Variants in AGBL1 observed in about 807,000 individuals in gnomAD.
AGBL1 encodes cytosolic carboxypeptidase 4.
AGBL1 carries 130 observed loss-of-function variants against 118.9 expected under a neutral mutation model. The ratio of observed to expected loss-of-function variants is 1.09; its 90% confidence interval spans 0.95 to 1.26. The LOEUF is 1.26. AGBL1 is among the 50% of genes most tolerant of loss of function. The pLI is 0.00. For synonymous variants in AGBL1, 555 were observed against 478.9 expected (o/e 1.16, Z -2.08); for missense variants, 1,584 against 1,298.1 (o/e 1.22, Z -3.38).
chr15:87,025,736 C>G (rs1290696039), intron 24 of AGBL1, among the ~76,000 whole-genome samples: 2 of 151,954 alleles, frequency 1.3e-5, no homozygotes, highest in African/African-American at 4.8e-5. Flanking sequence ...CTGGAGGCAT[C>G]CCACTACCTG....
At chr15:86,950,173 A>C (rs1335065297) in intron 23 of AGBL1, among the ~76,000 whole-genome samples, 1 of 151,962 alleles carries the variant, frequency 6.6e-6, no homozygotes, top group Non-Finnish European at 1.5e-5. Flanking sequence ...AATTTTAAAT[A>C]AATATAACTT....
chr15:86,235,981 A>C (rs2078535155), intron 6 of AGBL1, among the ~76,000 whole-genome samples: 1 of 152,240 alleles, frequency 6.6e-6, no homozygotes, highest in Admixed American at 6.5e-5. Flanking sequence ...TACAGAGGAC[A>C]CTGAGGCCGA....
At chr15:86,559,124 T>G (rs2083777888) in intron 21 of AGBL1, among the ~76,000 whole-genome samples, 1 of 152,290 alleles carries the variant, frequency 6.6e-6, no homozygotes, top group Middle Eastern at 3.4e-3. Flanking sequence ...AACCTCTATC[T>G]CTGTGTCTCC....
At chr15:86,870,088 A>G (rs1164119331) in intron 22 of AGBL1, among the ~76,000 whole-genome samples, 1 of 152,182 alleles carries the variant, frequency 6.6e-6, no homozygotes, top group East Asian at 1.9e-4. Context: ...CCCTATTCTA[A>G]CACACAGATA....
In AGBL1 at chr15:86,546,025, C is replaced by T. The variant is rs779341357; in HGVS notation, c.2709C>T (p.His903=). The T allele has an allele frequency of 6.2e-7, 1 of 1,613,208 alleles. No homozygotes were observed. The highest frequency in any genetic ancestry group is 8.5e-7 in the Non-Finnish European group (1 of 1,179,434). The change falls in exon 20 of 23, where the codon CAC becomes CAT. Residue 903 remains histidine (H), a synonymous_variant. Coordinates refer to ENST00000614907, the MANE Select transcript of AGBL1 (RefSeq NM_001386094.1). ...AGGTTTTCTGTGACTTCCATGGCCA[C>T]TCCCAAAAGAAGAATGTGTTCCTTT... ...SPVVFCDFHG[H]SQKKNVFLYG...
At chr15:86,730,784 T>C (rs147250779) in intron 22 of AGBL1, among the ~76,000 whole-genome samples, 4 of 152,324 alleles carry the variant, frequency 2.6e-5, no homozygotes, top group African/African-American at 9.6e-5. Context: ...ACAAATTCCA[T>C]GCAAAAGCAA....
chr15:86,329,545 C>T (rs1464029981), intron 17 of AGBL1, among the ~76,000 whole-genome samples: 1 of 152,214 alleles, frequency 6.6e-6, no homozygotes, highest in East Asian at 1.9e-4. Context: ...GCCCTCTCCA[C>T]TTCATGCCCA....
intron 22 of AGBL1, among the ~76,000 whole-genome samples, chr15:86,684,719 C>A (rs758407680): frequency 6.6e-6 from 1 of 152,044 alleles, no homozygotes; most frequent in Non-Finnish European, 1.5e-5. Context: ...GAATCTATGG[C>A]GTTGTCTTAA....
intron 22 of AGBL1, among the ~76,000 whole-genome samples, chr15:86,771,581 T>C (rs2078181976): frequency 6.6e-6 from 1 of 151,978 alleles, no homozygotes; most frequent in African/African-American, 2.4e-5. Context: ...CATGCCTGGT[T>C]TAGTATACCA....
chr15:86,152,968 C>G (rs184524825), intron 3 of AGBL1, among the ~76,000 whole-genome samples: 1 of 152,358 alleles, frequency 6.6e-6, no homozygotes, highest in East Asian at 1.9e-4. Context: ...GAGATACCAT[C>G]TCATGCCAAT....
chr15:86,129,334 C>A (rs543775709), intron 1 of AGBL1, among the ~76,000 whole-genome samples: 74 of 152,222 alleles, frequency 4.9e-4, no homozygotes, highest in African/African-American at 1.7e-3. Context: ...TCAGAAAAAT[C>A]TAGTCCTGGC....
At chr15:86,747,846 T>C (rs925613808) in intron 22 of AGBL1, among the ~76,000 whole-genome samples, 26 of 152,222 alleles carry the variant, frequency 1.7e-4, no homozygotes, top group Non-Finnish European at 3.5e-4. Flanking sequence ...CCATGGTGTA[T>C]ATGTGCCACA....
intron 17 of AGBL1, among the ~76,000 whole-genome samples, chr15:86,320,549 G>GT (rs201093944): frequency 2.0e-5 from 3 of 151,448 alleles, no homozygotes; most frequent in East Asian, 1.9e-4. Flanking sequence ...AAACTGACAA[G>GT]TTTTTTTTTC....
intron 18 of AGBL1, among the ~76,000 whole-genome samples, chr15:86,508,462 T>C (rs572374345): frequency 1.3e-5 from 2 of 152,284 alleles, no homozygotes; most frequent in East Asian, 1.9e-4. Context: ...CTATTTTTCA[T>C]TGGCTAAAGA....
intron 23 of AGBL1, among the ~76,000 whole-genome samples, chr15:86,925,680 CTTCTT>C (rs1249600851): frequency 5.4e-5 from 8 of 146,854 alleles, no homozygotes; most frequent in Non-Finnish European, 1.1e-4. Flanking sequence ...TTCTTCTTTT[CTTCTT>C]TTCTTTTTTT....
chr15:86,460,356 C>G (rs558144939), intron 18 of AGBL1, among the ~76,000 whole-genome samples: 1 of 136,860 alleles, frequency 7.3e-6, no homozygotes, highest in Non-Finnish European at 1.5e-5. Flanking sequence ...AATAGCCAGG[C>G]GTGGTGATAG....
intron 22 of AGBL1, among the ~76,000 whole-genome samples, chr15:86,691,487 T>C (rs1264084349): frequency 6.6e-6 from 1 of 152,172 alleles, no homozygotes; most frequent in Non-Finnish European, 1.5e-5. Context: ...AAAATTGGAC[T>C]CCTGAAAGGC....
intron 23 of AGBL1, among the ~76,000 whole-genome samples, chr15:86,985,610 A>C (rs981198361): frequency 3.4e-4 from 33 of 97,736 alleles, no homozygotes; most frequent in South Asian, 5.8e-4. Context: ...GATTTGTAAA[A>C]ATTTTTTGTT....
chr15:86,421,826 A>T (rs182740253), intron 18 of AGBL1, among the ~76,000 whole-genome samples: 120 of 152,306 alleles, frequency 7.9e-4, no homozygotes, highest in African/African-American at 2.8e-3. Flanking sequence ...ATAGACTTTA[A>T]ACCAACAAAG....
Sources: gnomAD v4.1 joint callset for allele counts (sites outside exome capture counted in the v4.1 genomes callset) on GRCh38, gnomAD v4.1.1 for gene constraint, MANE v1.5 for transcripts, NCBI Gene and HGNC (gene_info 2026-07-23, HGNC 2026-07-21) for gene names.